Variants in PDLIM5 observed in about 807,000 individuals in gnomAD.
PDLIM5 encodes PDZ and LIM domain protein 5.
In PDLIM5, 34 loss-of-function variants were observed where a neutral mutation model predicts 64.2. The observed-to-expected ratio is 0.53, with a 90% confidence interval of 0.40 to 0.71. The LOEUF (loss-of-function observed/expected upper bound fraction) is 0.71, where lower values mean the gene tolerates loss of function less well. Among genes scored for constraint, PDLIM5 ranks in the 30% least tolerant of loss-of-function variants. PDLIM5 has a pLI of 0.00. For synonymous variants in PDLIM5, 253 were observed against 269.1 expected (o/e 0.94, Z 0.59); for missense variants, 683 against 733.6 (o/e 0.93, Z 0.80).
At chr4:94,483,457 G>A (rs1379164967) in intron 2 of PDLIM5, among the ~76,000 whole-genome samples, 1 of 152,024 alleles carries the variant, frequency 6.6e-6, no homozygotes, top group East Asian at 1.9e-4. Flanking sequence ...ATATACATGT[G>A]TATGTTTATA....
intron 2 of PDLIM5, among the ~76,000 whole-genome samples, chr4:94,470,216 G>A (rs182830608): frequency 4.6e-5 from 7 of 152,022 alleles, no homozygotes; most frequent in South Asian, 2.1e-4. Flanking sequence ...CGCCTAGCTC[G>A]GCCTCCCAAA....
At chr4:94,499,888 A>G (rs913835432) in intron 2 of PDLIM5, among the ~76,000 whole-genome samples, 1 of 152,194 alleles carries the variant, frequency 6.6e-6, no homozygotes, top group African/African-American at 2.4e-5. Context: ...TGAGAATCTA[A>G]TGCCTGATGA....
At chr4:94,490,192 A>G (rs1198461198) in intron 2 of PDLIM5, among the ~76,000 whole-genome samples, 3 of 152,026 alleles carry the variant, frequency 2.0e-5, no homozygotes, top group Non-Finnish European at 2.9e-5. Context: ...TTAATAAACA[A>G]TTTCAAAATA....
chr4:94,493,978 C>T (rs1176612912), intron 2 of PDLIM5, among the ~76,000 whole-genome samples: 1 of 151,952 alleles, frequency 6.6e-6, no homozygotes, highest in Admixed American at 6.6e-5. Context: ...TATTTTTCTC[C>T]AGACAGGATA....
intron 5 of PDLIM5, chr4:94,577,566 G>GC: frequency 5.9e-6 from 1 of 169,114 alleles, no homozygotes; most frequent in Non-Finnish European, 1.2e-5. Flanking sequence ...GTGTTCAGGA[G>GC]TGTTTGGTCG....
Position 94,545,067 on chromosome 4 carries a change from A to G in PDLIM5, c.248+21192A>G, listed in dbSNP as rs575162689. On this transcript the variant is annotated intron_variant, in intron 3 of 12. Transcript: ENST00000317968. ...GCTATGAGGAAGTTACTTCAACTCT[A>G]TAGGTTTATTTACTCATAAGTTAGG... Among the ~76,000 whole-genome samples, 5 of 152,334 alleles carry G rather than the reference A, an allele frequency of 3.3e-5. No individual in the cohort carries two copies. In the East Asian group the frequency reaches 9.6e-4, roughly 29 times the overall value.
At chr4:94,556,596 T>C (rs1229895828) in intron 3 of PDLIM5, among the ~76,000 whole-genome samples, 1 of 152,204 alleles carries the variant, frequency 6.6e-6, no homozygotes, top group East Asian at 1.9e-4. Context: ...ATGATCACCA[T>C]TCTAATTGGT....
At chr4:94,642,997 AT>A (rs1292401499) in intron 9 of PDLIM5, among the ~76,000 whole-genome samples, 1 of 152,082 alleles carries the variant, frequency 6.6e-6, no homozygotes, top group African/African-American at 2.4e-5. Context: ...AATATTTCGA[AT>A]TTGCCAAAAA....
intron 5 of PDLIM5, chr4:94,585,095 T>C: frequency 1.4e-6 from 1 of 717,628 alleles, no homozygotes; most frequent in Non-Finnish European, 2.3e-6. Context: ...GGTTTTTTTG[T>C]TTTGTTTTTT....
intron 7 of PDLIM5, among the ~76,000 whole-genome samples, chr4:94,606,430 G>A (rs1737925359): frequency 2.0e-5 from 3 of 152,100 alleles, no homozygotes; most frequent in Non-Finnish European, 4.4e-5. Flanking sequence ...TCCCAGTGAG[G>A]GTGTGGTAGA....
chr4:94,600,359 ACT>A (rs1416981377), intron 7 of PDLIM5, among the ~76,000 whole-genome samples: 1 of 152,122 alleles, frequency 6.6e-6, no homozygotes, highest in Non-Finnish European at 1.5e-5. Context: ...CCAACAGGAC[ACT>A]CTCACTGGAG....
At chr4:94,482,303 G>C (rs1431056961) in intron 2 of PDLIM5, among the ~76,000 whole-genome samples, 1 of 150,472 alleles carries the variant, frequency 6.6e-6, no homozygotes, top group Admixed American at 6.6e-5. Flanking sequence ...CCAAAATGTT[G>C]GGATTACAGG....
chr4:94,613,726 C>T (rs1372859931), intron 7 of PDLIM5, among the ~76,000 whole-genome samples: 1 of 151,924 alleles, frequency 6.6e-6, no homozygotes, highest in Non-Finnish European at 1.5e-5. Context: ...CACCAATTTC[C>T]TCATTAGAAT....
chr4:94,582,971 T>A, intron 5 of PDLIM5: 1 of 451,750 alleles, frequency 2.2e-6, no homozygotes, highest in East Asian at 3.8e-5. Flanking sequence ...CATTGAGATA[T>A]AGATGAGTAT....
intron 7 of PDLIM5, among the ~76,000 whole-genome samples, chr4:94,594,656 A>G (rs577732961): frequency 6.6e-6 from 1 of 152,186 alleles, no homozygotes; most frequent in South Asian, 2.1e-4. Flanking sequence ...TATTTAAGTT[A>G]AAAAATGTTT....
chr4:94,575,592 T>TAAA lies in PDLIM5; in HGVS notation c.292-23_292-22insAAA, dbSNP rs747314295. On this transcript the variant is annotated intron_variant, in intron 4 of 12. Coordinates refer to ENST00000317968, the MANE Select transcript of PDLIM5 (RefSeq NM_006457.5). Reference sequence around the variant, plus strand: ...TGCATGTGTTTGGTGTGGTTTTGTGTATGTTTATTTTTGTTTTACATAGGG... The same window carrying TAAA: ...TGCATGTGTTTGGTGTGGTTTTGTGTAAAATGTTTATTTTTGTTTTACATAGGG... The TAAA allele has an allele frequency of 2.7e-6, 4 of 1,471,072 alleles. No individual in the cohort carries two copies. In the African/African-American group the frequency reaches 5.6e-5, roughly 21 times the overall value. 91.1% of individuals were successfully genotyped at this position (1,471,072 alleles called of 1,614,324 possible). A position where few individuals can be genotyped will look rare whatever the true frequency, so the allele number is the denominator to read the frequency against.
At chr4:94,654,223 G>A (rs545128668) in intron 9 of PDLIM5, among the ~76,000 whole-genome samples, 1 of 152,206 alleles carries the variant, frequency 6.6e-6, no homozygotes, top group South Asian at 2.1e-4. Context: ...GCAGAAAAAG[G>A]GTGGGGAGTG....
At chr4:94,507,312 C>G (rs1050396414) in intron 2 of PDLIM5, among the ~76,000 whole-genome samples, 2 of 152,046 alleles carry the variant, frequency 1.3e-5, no homozygotes, top group Admixed American at 1.3e-4. Context: ...AAATTCATGT[C>G]CTTCTCACAT....
chr4:94,527,417 A>C (rs894093405), intron 3 of PDLIM5, among the ~76,000 whole-genome samples: 1 of 151,934 alleles, frequency 6.6e-6, no homozygotes, highest in Non-Finnish European at 1.5e-5. Context: ...CAACCAGATT[A>C]CTCTGAATTC....
Sources: gnomAD v4.1 joint callset for allele counts (sites outside exome capture counted in the v4.1 genomes callset) on GRCh38, gnomAD v4.1.1 for gene constraint, MANE v1.5 for transcripts, NCBI Gene and HGNC (gene_info 2026-07-23, HGNC 2026-07-21) for gene names.